The following CNTN1 variants were observed in gnomAD, a reference collection of about 807,000 sequenced individuals.
CNTN1 encodes contactin-1.
CNTN1 carries 38 observed loss-of-function variants against 126.4 expected under a neutral mutation model. That is an observed-to-expected ratio of 0.30 (90% confidence interval 0.23 to 0.39). The LOEUF (loss-of-function observed/expected upper bound fraction) is 0.39, where lower values mean the gene tolerates loss of function less well. Among genes scored for constraint, CNTN1 ranks in the 10% least tolerant of loss-of-function variants. The pLI, the probability that CNTN1 is intolerant of heterozygous loss-of-function variation, is 1.00. For missense variants in CNTN1, 1,009 were observed against 1,248.4 expected (o/e 0.81, Z 2.89); for synonymous variants, 413 against 422.6 (o/e 0.98, Z 0.28).
At chr12:40,973,830 G>C (rs1384647759) in intron 15 of CNTN1, among the ~76,000 whole-genome samples, 1 of 152,124 alleles carries the variant, frequency 6.6e-6, no homozygotes, top group Non-Finnish European at 1.5e-5. Context: ...GTGGGGTGTA[G>C]TCACAGCTAC....
Position 40,831,927 on chromosome 12 carries a change from G to A in CNTN1, c.-76-76430G>A, listed in dbSNP as rs117604109. 1.5e-4 allele frequency among the ~76,000 whole-genome samples: 23 copies of A among 152,160 alleles called. No individual in the cohort carries two copies. The East Asian group carries it at 4.4e-3, about 29-fold the overall frequency. On this transcript the variant is annotated intron_variant, in intron 1 of 23. Coordinates refer to ENST00000551295, the MANE Select transcript of CNTN1 (RefSeq NM_001843.4). ...CGTTCTACTGTCATAGGAGAAATGA[G>A]GAATTATGCACAACATTTTTTAAAT...
At chr12:40,960,625 A>C (rs912723536) in intron 15 of CNTN1, among the ~76,000 whole-genome samples, 1 of 152,172 alleles carries the variant, frequency 6.6e-6, no homozygotes, top group African/African-American at 2.4e-5. Flanking sequence ...GAACTTGGAA[A>C]TACATTCCAC....
chr12:40,759,096 G>A (rs1466423558), intron 1 of CNTN1, among the ~76,000 whole-genome samples: 1 of 151,892 alleles, frequency 6.6e-6, no homozygotes, highest in Non-Finnish European at 1.5e-5. Context: ...AGAGATGGAG[G>A]TTTCATCATG....
intron 1 of CNTN1, among the ~76,000 whole-genome samples, chr12:40,737,116 C>A (rs1937718730): frequency 1.3e-5 from 2 of 151,438 alleles, no homozygotes. Context: ...AGTATAAATC[C>A]AGATTGATTG....
At chr12:40,915,775 A>T (rs777339220) in intron 3 of CNTN1, among the ~76,000 whole-genome samples, 15 of 152,134 alleles carry the variant, frequency 9.9e-5, no homozygotes, top group Non-Finnish European at 2.2e-4. Context: ...GTGTCTAAAA[A>T]CTTACTGAAG....
At chr12:40,899,093 C>CTG (rs747517547) in intron 1 of CNTN1, among the ~76,000 whole-genome samples, 4 of 152,148 alleles carry the variant, frequency 2.6e-5, no homozygotes, top group Non-Finnish European at 5.9e-5. Flanking sequence ...GCTCTTGGAT[C>CTG]TGGCACTATT....
intron 1 of CNTN1, among the ~76,000 whole-genome samples, chr12:40,710,115 G>T (rs1410042659): frequency 2.6e-5 from 4 of 152,036 alleles, no homozygotes; most frequent in Admixed American, 6.6e-5. Flanking sequence ...ACACTTGGAG[G>T]CCATTTTATT....
At chr12:40,763,597 G>A (rs998184306) in intron 1 of CNTN1, among the ~76,000 whole-genome samples, 1 of 151,958 alleles carries the variant, frequency 6.6e-6, no homozygotes, top group African/African-American at 2.4e-5. Context: ...TGAAAGGAAG[G>A]TGAGGCTAAA....
At chr12:40,951,723 A>AG (rs1946693288) in intron 14 of CNTN1, among the ~76,000 whole-genome samples, 1 of 147,486 alleles carries the variant, frequency 6.8e-6, no homozygotes, top group Admixed American at 6.7e-5. Context: ...TTTAAAAAAA[A>AG]AAAAAAAAAA....
intron 23 of CNTN1, among the ~76,000 whole-genome samples, chr12:41,067,195 GA>G (rs1391417202): frequency 6.6e-6 from 1 of 152,144 alleles, no homozygotes; most frequent in Non-Finnish European, 1.5e-5. Context: ...ACATAAGCTT[GA>G]GCCATTAGAG....
At chr12:40,770,574 A>G (rs919777270) in intron 1 of CNTN1, among the ~76,000 whole-genome samples, 5 of 152,112 alleles carry the variant, frequency 3.3e-5, no homozygotes, top group Non-Finnish European at 5.9e-5. Context: ...TTAGGTATTG[A>G]AGCCATGAAA....
chr12:40,984,865 G>A lies in CNTN1; in HGVS notation c.1963+3798G>A, dbSNP rs1189987297. On this transcript the variant is annotated intron_variant, in intron 16 of 23. Coordinates refer to ENST00000551295, the MANE Select transcript of CNTN1 (RefSeq NM_001843.4). ...ATATATAAATGCACAACATATGTGT[G>A]AATATATATACATACATATATAGTT... 5.9e-5 allele frequency among the ~76,000 whole-genome samples: 9 copies of A among 151,842 alleles called. No individual in the cohort carries two copies. The East Asian group carries it at 1.7e-3, about 29-fold the overall frequency.
chr12:40,695,920 C>T (rs1941440230), intron 1 of CNTN1, among the ~76,000 whole-genome samples: 1 of 152,112 alleles, frequency 6.6e-6, no homozygotes, highest in Admixed American at 6.5e-5. Context: ...TAGCCATTTC[C>T]TTTACACTTA....
intron 1 of CNTN1, among the ~76,000 whole-genome samples, chr12:40,820,179 A>G (rs1463546721): frequency 6.6e-6 from 1 of 152,202 alleles, no homozygotes; most frequent in Non-Finnish European, 1.5e-5. Context: ...GAGAGGAAGA[A>G]AGAGAGAGGG....
At chr12:40,902,874 T>C (rs1006040946) in intron 1 of CNTN1, among the ~76,000 whole-genome samples, 14 of 151,932 alleles carry the variant, frequency 9.2e-5, no homozygotes, top group Non-Finnish European at 1.9e-4. Flanking sequence ...AAAATGCATA[T>C]CTAGATATAG....
At chr12:40,953,647 C>T (rs989852594) in intron 14 of CNTN1, among the ~76,000 whole-genome samples, 1 of 152,016 alleles carries the variant, frequency 6.6e-6, no homozygotes, top group Non-Finnish European at 1.5e-5. Flanking sequence ...AATTTTCAAA[C>T]TAGTTTAACA....
chr12:41,049,842 C>G (rs1322780988), intron 23 of CNTN1, among the ~76,000 whole-genome samples: 1 of 152,168 alleles, frequency 6.6e-6, no homozygotes, highest in Non-Finnish European at 1.5e-5. Flanking sequence ...AAAACATAAG[C>G]CTGTTTATTT....
intron 14 of CNTN1, among the ~76,000 whole-genome samples, chr12:40,948,262 T>TC (rs1435495439): frequency 1.4e-5 from 2 of 140,168 alleles, no homozygotes; most frequent in African/African-American, 2.7e-5. Context: ...TTCTTTCTTT[T>TC]TTTTTTTTTT....
intron 1 of CNTN1, among the ~76,000 whole-genome samples, 185 bp downstream of exon 1, chr12:40,692,777 G>A (rs1352904517): frequency 1.3e-5 from 2 of 152,246 alleles, no homozygotes; most frequent in Non-Finnish European, 2.9e-5. Context: ...GGGAAGCAGG[G>A]GTGCGGGATG....
Sources: gnomAD v4.1 joint callset for allele counts (sites outside exome capture counted in the v4.1 genomes callset) on GRCh38, gnomAD v4.1.1 for gene constraint, MANE v1.5 for transcripts, NCBI Gene and HGNC (gene_info 2026-07-23, HGNC 2026-07-21) for gene names.